Variants in SLC31A2 observed in about 807,000 individuals in gnomAD.
SLC31A2 encodes protein SLC31A2.
SLC31A2 carries 16 observed loss-of-function variants against 14.4 expected under a neutral mutation model. That is an observed-to-expected ratio of 1.11 (90% CI 0.75 to 1.69). SLC31A2 has a LOEUF of 1.69. Among genes scored for constraint, SLC31A2 ranks in the 40% most tolerant of loss-of-function variants. The pLI, the probability that SLC31A2 is intolerant of heterozygous loss-of-function variation, is 0.00. For synonymous variants in SLC31A2, 56 were observed against 68.7 expected (o/e 0.82, Z 0.91); for missense variants, 140 against 173.9 (o/e 0.81, Z 1.10).
chr9:113,155,291 C>T (rs902359502), intron 1 of SLC31A2, among the ~76,000 whole-genome samples: 1 of 152,222 alleles, frequency 6.6e-6, no homozygotes, highest in African/African-American at 2.4e-5. Context: ...GCATTGAGAG[C>T]AGTTAGGAGC....
chr9:113,157,658 TG>T, intron 1 of SLC31A2, 68 bp from the exon 2 acceptor site: 1 of 1,292,162 alleles, frequency 7.7e-7, no homozygotes, highest in Non-Finnish European at 1.1e-6. Flanking sequence ...GAGGAGGTGC[TG>T]GAGAGCATTA....
At chr9:113,161,780 A>C (rs779605443) in intron 3 of SLC31A2, 82 bp downstream of exon 3, 3 of 1,478,180 alleles carry the variant, frequency 2.0e-6, no homozygotes, top group South Asian at 2.3e-5. Context: ...CATTAGCCCC[A>C]CTTCACAGAG....
In SLC31A2 at chr9:113,157,733, T is replaced by G; in HGVS notation, c.13T>G (p.Phe5Val). The change falls in exon 2 of 4, where the codon TTC (phenylalanine) becomes GTC (valine). Residue 5 changes from phenylalanine (F) to valine (V), a missense_variant. Phe to Val is a conservative substitution (Grantham distance 50). Coordinates refer to ENST00000259392, the MANE Select transcript of SLC31A2 (RefSeq NM_001860.3). ...AGATTCCTTTCTCTTTCAGATGCATTTCATCTTCTCAGATACAGCGGTGCT... is the reference window on the plus strand; with the variant it reads ...AGATTCCTTTCTCTTTCAGATGCATGTCATCTTCTCAGATACAGCGGTGCT... MAMH[F>V]IFSDTAVLLF... The G allele has an allele frequency of 3.7e-6, 6 of 1,612,278 alleles. No individual in the cohort carries two copies. Among genetic ancestry groups the G allele is most frequent in the Non-Finnish European group, 5.1e-6 (6 of 1,179,050 alleles).
chr9:113,157,145 A>G (rs1249863894), intron 1 of SLC31A2, among the ~76,000 whole-genome samples: 1 of 152,154 alleles, frequency 6.6e-6, no homozygotes, highest in African/African-American at 2.4e-5. Context: ...AAGGCTGTGA[A>G]CTCACCAAGG....
At chr9:113,156,652 T>G (rs1829937497) in intron 1 of SLC31A2, among the ~76,000 whole-genome samples, 1 of 152,184 alleles carries the variant, frequency 6.6e-6, no homozygotes, top group Non-Finnish European at 1.5e-5. Context: ...GAACTGCTTG[T>G]GCTAGCTGAG....
Position 113,163,184 on chromosome 9 carries a change from G to C in SLC31A2, c.*267G>C, listed in dbSNP as rs1413366303. ...ACCAAAGGGAGAATGGAGATAACAG[G>C]GGTGGCAGGGTTACTGAGCCCATGA... On this transcript the variant is annotated 3_prime_UTR_variant, in exon 4 of 4. Transcript: ENST00000259392. The C allele has an allele frequency of 3.5e-6, 1 of 285,836 alleles. No homozygotes were observed. 17.7% of individuals were successfully genotyped at this position (285,836 alleles called of 1,614,324 possible).
At chr9:113,152,554 G>A (rs1258867203) in intron 1 of SLC31A2, among the ~76,000 whole-genome samples, 1 of 152,174 alleles carries the variant, frequency 6.6e-6, no homozygotes, top group South Asian at 2.1e-4. Flanking sequence ...TCTGGCCAGG[G>A]CAGGTGTCTC....
Position 113,151,107 on chromosome 9 carries a change from G to A in SLC31A2, c.6+27G>A, listed in dbSNP as rs778712051. 3 of 1,300,078 alleles carry A rather than the reference G, an allele frequency of 2.3e-6. No homozygotes were observed. The highest frequency in any genetic ancestry group is 3.0e-6 in the Non-Finnish European group (3 of 1,016,356). 80.5% of individuals were successfully genotyped at this position (1,300,078 alleles called of 1,614,324 possible). A position where few individuals can be genotyped will look rare whatever the true frequency, so the allele number is the denominator to read the frequency against. On this transcript the variant is annotated intron_variant, in intron 1 of 3. Transcript: ENST00000259392. This position sits in a 1 kb window ranked among gnomAD's most constrained non-coding sequence, Gnocchi z 4.2. ...TAAGGGCCGGGCGCTACGGTGAAGA[G>A]GGTGGGCGGTTGGGGCGGGGTCTCC...
chr9:113,160,313 C>G (rs1224201401), intron 2 of SLC31A2, among the ~76,000 whole-genome samples: 1 of 152,004 alleles, frequency 6.6e-6, no homozygotes, highest in Non-Finnish European at 1.5e-5. Context: ...TCCAGGTACC[C>G]CCATGTGTTC....
rs1289766630 is a variant in SLC31A2 at position 113,151,119 on chromosome 9, G to A, written c.6+39G>A. The A allele has an allele frequency of 1.5e-6, 2 of 1,293,168 alleles. No homozygotes were observed. The highest frequency in any genetic ancestry group is 2.0e-6 in the Non-Finnish European group (2 of 1,012,762). 80.1% of individuals were successfully genotyped at this position (1,293,168 alleles called of 1,614,324 possible). A position where few individuals can be genotyped will look rare whatever the true frequency, so the allele number is the denominator to read the frequency against. Reference sequence around the variant, plus strand: ...GCTACGGTGAAGAGGGTGGGCGGTTGGGGCGGGGTCTCCTGGAGCTGCCAT... The same window carrying A: ...GCTACGGTGAAGAGGGTGGGCGGTTAGGGCGGGGTCTCCTGGAGCTGCCAT... On this transcript the variant is annotated intron_variant, in intron 1 of 3. Transcript: ENST00000259392. This position sits in a 1 kb window ranked among gnomAD's most constrained non-coding sequence, Gnocchi z 4.2.
chr9:113,157,977 G>A (rs377383738), intron 2 of SLC31A2, 184 bp downstream of exon 2: 1 of 681,752 alleles, frequency 1.5e-6, no homozygotes, highest in African/African-American at 1.8e-5. Flanking sequence ...ATCGCAAAGG[G>A]CTCCATTATC....
At chr9:113,155,429 TTGAG>T (rs1364096450) in intron 1 of SLC31A2, among the ~76,000 whole-genome samples, 1 of 152,176 alleles carries the variant, frequency 6.6e-6, no homozygotes, top group Non-Finnish European at 1.5e-5. Flanking sequence ...CCTCTTGAAA[TTGAG>T]TGAGTTAAGA....
At position 113,163,862 on chromosome 9, in the gene SLC31A2, C is replaced by G. The variant is rs553624363; in HGVS notation, c.*945C>G. On this transcript the variant is annotated 3_prime_UTR_variant, in exon 4 of 4. Transcript: ENST00000259392. ...CTCTATTTATTACTTACTGCTTACT[C>G]GTAATGATCTAGTGGGGAAACATGA... 6.6e-6 allele frequency: 1 copy of G among 152,618 alleles called. No individual in the cohort carries two copies. The highest frequency in any genetic ancestry group is 2.4e-5 in the African/African-American group (1 of 41,460). The allele number at this position is 152,618 out of a possible 1,614,324, so 9.5% of individuals were successfully genotyped here. A position where few individuals can be genotyped will look rare whatever the true frequency, so the allele number is the denominator to read the frequency against.
chr9:113,158,757 A>G (rs1587940975), intron 2 of SLC31A2, among the ~76,000 whole-genome samples: 2 of 152,304 alleles, frequency 1.3e-5, no homozygotes, highest in Middle Eastern at 6.8e-3. Flanking sequence ...TAGCCTTGGA[A>G]ATCAGATAAA....
In SLC31A2 at chr9:113,163,768, T is replaced by G. The variant is rs952753769; in HGVS notation, c.*851T>G. 1 of 152,630 alleles carries G rather than the reference T, an allele frequency of 6.6e-6. No homozygotes were observed. The highest frequency in any genetic ancestry group is 2.4e-5 in the African/African-American group (1 of 41,466). The allele number at this position is 152,630 out of a possible 1,614,324, so 9.5% of individuals were successfully genotyped here. A position where few individuals can be genotyped will look rare whatever the true frequency, so the allele number is the denominator to read the frequency against. On this transcript the variant is annotated 3_prime_UTR_variant, in exon 4 of 4. Coordinates refer to ENST00000259392, the MANE Select transcript of SLC31A2 (RefSeq NM_001860.3). Reference sequence around the variant, plus strand: ...GAAGCTCTTCGTGGCCTCAATGCCCTCCTTTATCCTCATCTTTCTTCTATG... The same window carrying G: ...GAAGCTCTTCGTGGCCTCAATGCCCGCCTTTATCCTCATCTTTCTTCTATG...
At chr9:113,155,163 C>T (rs908053152) in intron 1 of SLC31A2, among the ~76,000 whole-genome samples, 13 of 152,164 alleles carry the variant, frequency 8.5e-5, no homozygotes, top group Admixed American at 3.3e-4. Context: ...TTCCTCTTGC[C>T]AAATGAGGGC....
chr9:113,161,776 C>A, intron 3 of SLC31A2, 78 bp downstream of exon 3: 1 of 1,486,476 alleles, frequency 6.7e-7, no homozygotes, highest in East Asian at 2.3e-5. Context: ...ACAGCATTAG[C>A]CCCACTTCAC....
rs888470182 is a variant in SLC31A2, at chr9:113,152,859, T to G, written c.6+1779T>G. Among the ~76,000 whole-genome samples, 6 of 152,186 alleles carry G rather than the reference T, an allele frequency of 3.9e-5. No homozygotes were observed. In the South Asian group the frequency reaches 1.2e-3, roughly 31 times the overall value. ...AAGATAACTGGCCCAGGCCCAAGGA[T>G]GATAGAAGGAAACCAGTTATGGCAA... On this transcript the variant is annotated intron_variant, in intron 1 of 3. Transcript: ENST00000259392.
At chr9:113,158,131 C>A (rs1192626498) in intron 2 of SLC31A2, 2 of 485,646 alleles carry the variant, frequency 4.1e-6, no homozygotes, top group Admixed American at 4.7e-5. Flanking sequence ...TAGATCAAGG[C>A]CTCCGGGTGT....
Sources: allele counts gnomAD v4.1 joint callset (sites outside exome capture counted in the v4.1 genomes callset), GRCh38; gene constraint gnomAD v4.1.1; non-coding constraint Gnocchi (gnomAD v3.1); transcripts MANE v1.5; gene names NCBI Gene and HGNC (gene_info 2026-07-23, HGNC 2026-07-21).